Variants in ATAD2B observed in about 807,000 individuals in gnomAD.
ATAD2B encodes ATPase family AAA domain containing 2B, also known as ATPase family AAA domain-containing protein 2B.
In ATAD2B, 40 loss-of-function variants were observed where a neutral mutation model predicts 167.6. The ratio of observed to expected loss-of-function variants is 0.24; its 90% CI spans 0.19 to 0.31. The LOEUF (loss-of-function observed/expected upper bound fraction) is 0.31, where lower values mean the gene tolerates loss of function less well. Among genes scored for constraint, ATAD2B ranks in the 10% least tolerant of loss-of-function variants. The probability of loss-of-function intolerance (pLI) is 1.00; values close to 1 mark genes in which losing one functional copy is unlikely to be tolerated. For missense variants in ATAD2B, 1,242 were observed against 1,757.2 expected (o/e 0.71, Z 5.24); for synonymous variants, 579 against 596.5 (o/e 0.97, Z 0.43).
chr2:23,778,173 AAC>A (rs1389781956), intron 22 of ATAD2B, among the ~76,000 whole-genome samples: 7 of 152,236 alleles, frequency 4.6e-5, no homozygotes, highest in African/African-American at 1.7e-4. Flanking sequence ...AAAAAATCTA[AAC>A]ACAGCCAAAA....
chr2:23,702,340 G>A, the ATAD2B span, among the ~76,000 whole-genome samples: 1 of 152,184 alleles, frequency 6.6e-6, no homozygotes, highest in Non-Finnish European at 1.5e-5. Flanking sequence ...CTGGGCAAAA[G>A]CATCTAACAC....
chr2:23,868,747 T>C (rs1036621306), intron 9 of ATAD2B, among the ~76,000 whole-genome samples: 9 of 152,316 alleles, frequency 5.9e-5, no homozygotes, highest in African/African-American at 2.2e-4. Context: ...TACTACATTA[T>C]TTAACACATT....
In ATAD2B at chr2:23,926,642, G is replaced by C. The variant is rs971419010; in HGVS notation, c.129C>G (p.Thr43=). The change falls in exon 1 of 28, where the codon ACC becomes ACG. Residue 43 remains threonine, a synonymous_variant. Coordinates refer to ENST00000238789, the MANE Select transcript of ATAD2B (RefSeq NM_017552.4). The stretch of plus-strand genomic sequence containing the variant: ...TGGCGGCGCGGGTCTTGGAGGAGCG[G>C]GTCCGAGAGGAGATGAAATGGCTGC... The part of the protein sequence containing the change: ...GGSSHFISSR[T]RSSKTRAASC... 4 of 1,563,712 alleles carry C rather than the reference G, an allele frequency of 2.6e-6. No individual in the cohort carries two copies. The highest frequency in any genetic ancestry group is 3.5e-6 in the Non-Finnish European group (4 of 1,155,066).
intron 1 of ATAD2B, among the ~76,000 whole-genome samples, chr2:23,903,237 AAAATAAAT>A (rs3029919): frequency 1.5e-4 from 22 of 145,652 alleles, no homozygotes; most frequent in Admixed American, 1.1e-3. Context: ...CTGTGTCTCA[AAAATAAAT>A]AAATAAATAA....
rs368660533 is a variant in ATAD2B, at chr2:23,840,192, T to C, written c.1569-6114A>G. Among the ~76,000 whole-genome samples the C allele has an allele frequency of 1.1e-4, 16 of 152,324 alleles. No individual in the cohort carries two copies. In the East Asian group the frequency reaches 2.5e-3, roughly 24 times the overall value. Reference sequence around the variant, plus strand: ...TATTACAAAAAACCTGCTATAAACATTGACATACAAGTCATAGAGATTTTC... The same window carrying C: ...TATTACAAAAAACCTGCTATAAACACTGACATACAAGTCATAGAGATTTTC... On this transcript the variant is annotated intron_variant, in intron 13 of 27. Transcript: ENST00000238789.
At chr2:23,860,717 T>C (rs1405901708) in intron 12 of ATAD2B, among the ~76,000 whole-genome samples, 1 of 151,504 alleles carries the variant, frequency 6.6e-6, no homozygotes, top group African/African-American at 2.4e-5. Flanking sequence ...ACGCCTGTAA[T>C]CCCAGCACTT....
chr2:23,800,876 A>C (rs570506746), intron 18 of ATAD2B, among the ~76,000 whole-genome samples: 92 of 152,204 alleles, frequency 6.0e-4, no homozygotes, highest in African/African-American at 2.0e-3. Context: ...CAAGTCTAAG[A>C]TGAACATGGA....
chr2:23,679,918 T>TG, the ATAD2B span, among the ~76,000 whole-genome samples: 5 of 151,648 alleles, frequency 3.3e-5, no homozygotes, highest in Non-Finnish European at 7.4e-5. Flanking sequence ...GACGGAGACT[T>TG]GGAGTGGGGA....
At chr2:23,838,386 A>T (rs971252880) in intron 13 of ATAD2B, among the ~76,000 whole-genome samples, 2 of 152,204 alleles carry the variant, frequency 1.3e-5, no homozygotes, top group Non-Finnish European at 2.9e-5. Flanking sequence ...TTCAGACGAT[A>T]AAGTCTCAGA....
At chr2:23,728,921 G>A in the ATAD2B span, among the ~76,000 whole-genome samples, 2 of 152,310 alleles carry the variant, frequency 1.3e-5, no homozygotes, top group Non-Finnish European at 2.9e-5. Flanking sequence ...TTGGCTCATG[G>A]TTTTGCAAGC....
intron 1 of ATAD2B, among the ~76,000 whole-genome samples, chr2:23,913,533 G>A (rs1185519180): frequency 6.6e-6 from 1 of 151,908 alleles, no homozygotes; most frequent in Non-Finnish European, 1.5e-5. Flanking sequence ...CCAGCTACTT[G>A]GGAGGCTGAA....
the ATAD2B span, among the ~76,000 whole-genome samples, chr2:23,729,437 C>T: frequency 2.6e-5 from 4 of 152,210 alleles, no homozygotes; most frequent in African/African-American, 4.8e-5. Context: ...CTGTTTTAAC[C>T]GTGTAAGAAA....
At chr2:23,878,025 A>AAAAAAAAAAAAAAAAAAAAT (rs1558714074) in intron 7 of ATAD2B, among the ~76,000 whole-genome samples, 1 of 106,876 alleles carries the variant, frequency 9.4e-6, no homozygotes, top group Non-Finnish European at 2.1e-5. Context: ...AAAAAAAAAA[A>AAAAAAAAAAAAAAAAAAAAT]AAAAAAAAAA....
chr2:23,703,636 C>T, the ATAD2B span: 87,454 of 1,438,384 alleles, frequency 0.061, 2,972 homozygotes, highest in Non-Finnish European at 0.067. Flanking sequence ...GAGCTTCCTT[C>T]CCTGGAGGGT....
At chr2:23,823,596 A>C in intron 15 of ATAD2B, 27 bp from the exon 16 acceptor site, 1 of 1,590,892 alleles carries the variant, frequency 6.3e-7, no homozygotes, top group Non-Finnish European at 8.6e-7. Flanking sequence ...GAAGGATAGC[A>C]AAGGTACATT....
chr2:23,805,172 A>G (rs1437994525), intron 18 of ATAD2B, among the ~76,000 whole-genome samples: 1 of 152,068 alleles, frequency 6.6e-6, no homozygotes, highest in African/African-American at 2.4e-5. Context: ...AGAAAAGAAA[A>G]TATTTCTCTT....
In ATAD2B at chr2:23,819,725, A is replaced by G; in HGVS notation, c.2267+22T>C. 1.9e-6 allele frequency: 3 copies of G among 1,550,230 alleles called. No homozygotes were observed. The South Asian group carries it at 3.6e-5, about 18-fold the overall frequency. On this transcript the variant is annotated intron_variant, in intron 17 of 27. Coordinates refer to ENST00000238789, the MANE Select transcript of ATAD2B (RefSeq NM_017552.4). ...ATCAAAAATCACTCTAAATACAAAG[A>G]AAGTTGATATAAATCACTCACATTG...
chr2:23,704,270 C>T, the ATAD2B span, among the ~76,000 whole-genome samples: 1 of 152,202 alleles, frequency 6.6e-6, no homozygotes, highest in Non-Finnish European at 1.5e-5. Flanking sequence ...AGGACATGAA[C>T]GATCCTGATG....
At chr2:23,868,181 A>G (rs1277993989) in intron 9 of ATAD2B, among the ~76,000 whole-genome samples, 1 of 152,248 alleles carries the variant, frequency 6.6e-6, no homozygotes, top group Non-Finnish European at 1.5e-5. Flanking sequence ...TTGCCCGAAG[A>G]GCCCAATCTA....
Sources: gnomAD v4.1 joint callset for allele counts (sites outside exome capture counted in the v4.1 genomes callset) on GRCh38, gnomAD v4.1.1 for gene constraint, MANE v1.5 for transcripts, NCBI Gene and HGNC (gene_info 2026-07-23, HGNC 2026-07-21) for gene names.